The following CCDC73 variants were observed in gnomAD, a reference collection of about 807,000 sequenced individuals.
The protein encoded by CCDC73 is coiled-coil domain containing 73.
In CCDC73, 95 loss-of-function variants were observed where a neutral mutation model predicts 116.5. That is an observed-to-expected ratio of 0.82 (90% confidence interval 0.69 to 0.97). The LOEUF is 0.97. CCDC73 is among the 50% of genes least tolerant of loss of function. CCDC73 has a pLI of 0.00. For missense variants in CCDC73, 1,066 were observed against 1,206.8 expected, an observed-to-expected ratio of 0.88 and a Z score of 1.73; for synonymous variants, 398 against 401.3, an observed-to-expected ratio of 0.99 and a Z score of 0.10.
the CCDC73 span, among the ~76,000 whole-genome samples, chr11:32,829,462 A>C: frequency 0.13 from 20,442 of 152,260 alleles, 1,477 homozygotes; most frequent in South Asian, 0.22. Context: ...TGGAGAACCA[A>C]TGTAATCAAT....
chr11:32,620,795 T>C (rs1258048394), intron 14 of CCDC73, among the ~76,000 whole-genome samples: 1 of 152,010 alleles, frequency 6.6e-6, no homozygotes, highest in Admixed American at 6.6e-5. Flanking sequence ...ATTTAAACTT[T>C]GTGAGGCTGT....
chr11:32,663,170 T>G (rs201891), intron 9 of CCDC73, among the ~76,000 whole-genome samples: 259 of 152,172 alleles, frequency 1.7e-3, no homozygotes, highest in Non-Finnish European at 2.4e-3. Context: ...TGGCAATGCG[T>G]GTCTTTTTTG....
chr11:32,610,011 G>C (rs982029581), intron 17 of CCDC73, among the ~76,000 whole-genome samples: 1 of 149,264 alleles, frequency 6.7e-6, no homozygotes, highest in Admixed American at 6.7e-5. Flanking sequence ...GGATGGTCTC[G>C]ATCTCCTGAC....
intron 14 of CCDC73, among the ~76,000 whole-genome samples, chr11:32,629,549 G>T (rs1420939861): frequency 6.6e-6 from 1 of 151,848 alleles, no homozygotes; most frequent in Non-Finnish European, 1.5e-5. Context: ...ACAGGCATGC[G>T]CCACCACGCC....
At chr11:32,703,317 G>C (rs1450264559) in intron 3 of CCDC73, among the ~76,000 whole-genome samples, 1 of 151,970 alleles carries the variant, frequency 6.6e-6, no homozygotes, top group Non-Finnish European at 1.5e-5. Flanking sequence ...CAAACTCCTG[G>C]ACTCAAGCGA....
intron 9 of CCDC73, among the ~76,000 whole-genome samples, chr11:32,655,770 C>T (rs1025480057): frequency 7.9e-5 from 12 of 152,146 alleles, no homozygotes; most frequent in African/African-American, 2.9e-4. Flanking sequence ...ACAAAATTTG[C>T]ATTTTAGAAA....
chr11:32,766,352 T>G (rs1343796147), intron 1 of CCDC73, among the ~76,000 whole-genome samples: 1 of 152,186 alleles, frequency 6.6e-6, no homozygotes, highest in East Asian at 1.9e-4. Flanking sequence ...GCCAATATCA[T>G]ACTGAATGGG....
chr11:32,678,651 C>A (rs527390978), intron 7 of CCDC73, among the ~76,000 whole-genome samples: 134 of 151,972 alleles, frequency 8.8e-4, no homozygotes, highest in Admixed American at 1.6e-3. Context: ...TTTGGGAGGC[C>A]AAGGTGGACG....
chr11:32,620,845 A>G (rs1855517665), intron 14 of CCDC73, among the ~76,000 whole-genome samples: 1 of 152,096 alleles, frequency 6.6e-6, no homozygotes, highest in African/African-American at 2.4e-5. Flanking sequence ...GACAAAATCA[A>G]TGTGCAAAAA....
chr11:32,640,080 A>G (rs191288944), intron 13 of CCDC73, among the ~76,000 whole-genome samples: 2 of 152,182 alleles, frequency 1.3e-5, no homozygotes, highest in Admixed American at 1.3e-4. Context: ...ATTGCCCTTC[A>G]CTCAAGAATG....
intron 3 of CCDC73, among the ~76,000 whole-genome samples, chr11:32,717,384 G>A (rs1414830964): frequency 6.6e-6 from 1 of 152,140 alleles, no homozygotes; most frequent in Non-Finnish European, 1.5e-5. Flanking sequence ...GGAAAAATAA[G>A]GGACGAGTTA....
rs1314707797 is a variant in CCDC73, at chr11:32,614,578, T to G, written c.1740A>C (p.Leu580Phe). The change falls in exon 16 of 18, where the codon TTA becomes TTC. Residue 580 changes from leucine to phenylalanine, a missense_variant. Coordinates refer to ENST00000335185, the MANE Select transcript of CCDC73 (RefSeq NM_001008391.4). ...GATATGTATTGTGTGCTGTCTCATT[T>G]AAAATACTGTTAAATGATGTTTTGT... ...ENNKTSFNSI[L>F]NETAHNTYHN... is the part of the protein sequence containing the mutation. 6.2e-7 allele frequency: 1 copy of G among 1,611,866 alleles called. No homozygotes were observed. The highest frequency in any genetic ancestry group is 1.7e-5 in the Admixed American group (1 of 59,894).
the CCDC73 span, among the ~76,000 whole-genome samples, chr11:32,816,060 A>C: frequency 1.3e-5 from 2 of 152,212 alleles, no homozygotes; most frequent in African/African-American, 4.8e-5. Flanking sequence ...TTCTGACTTT[A>C]GTAACTTTTC....
intron 3 of CCDC73, among the ~76,000 whole-genome samples, chr11:32,713,122 G>A (rs1386181): frequency 0.75 from 114,564 of 151,902 alleles, 43,338 homozygotes; most frequent in East Asian, 0.93. Flanking sequence ...AACTCCCCCC[G>A]GATTAAATTT....
intron 14 of CCDC73, among the ~76,000 whole-genome samples, chr11:32,629,935 C>A (rs538205): frequency 0.45 from 53,852 of 120,920 alleles, 11,140 homozygotes; most frequent in African/African-American, 0.5. Context: ...AAAAAAAAAA[C>A]AAAAAAAAAA....
At position 32,663,798 on chromosome 11, in the gene CCDC73, A is replaced by G. The variant is rs1480955519; in HGVS notation, c.646-8826T>C. Among the ~76,000 whole-genome samples the G allele has an allele frequency of 5.3e-5, 8 of 152,316 alleles. No individual in the cohort carries two copies. The East Asian group carries it at 1.5e-3, about 29-fold the overall frequency. On this transcript the variant is annotated intron_variant, in intron 9 of 17. Coordinates refer to ENST00000335185, the MANE Select transcript of CCDC73 (RefSeq NM_001008391.4). ...TGCTTCGAGTTTTTGCCCATTCAGT[A>G]TGATGTTGGCTGTGGGTTTGTCATA... is the stretch of plus-strand genomic sequence containing the variant.
intron 2 of CCDC73, among the ~76,000 whole-genome samples, chr11:32,745,744 G>GTTTTTTTTTTTT (rs1491140173): frequency 2.3e-5 from 1 of 42,682 alleles, no homozygotes; most frequent in Non-Finnish European, 5.0e-5. Flanking sequence ...TGTTTGTTTT[G>GTTTTTTTTTTTT]GTTTTTTTTT....
chr11:32,796,209 T>C (rs1216035576), upstream of CCDC73, among the ~76,000 whole-genome samples: 1 of 152,230 alleles, frequency 6.6e-6, no homozygotes, highest in Admixed American at 6.5e-5. Flanking sequence ...TTATTAACTG[T>C]ATCCTAGGAC....
chr11:32,633,451 T>C (rs1388387870), intron 14 of CCDC73, among the ~76,000 whole-genome samples: 1 of 151,938 alleles, frequency 6.6e-6, no homozygotes, highest in African/African-American at 2.4e-5. Context: ...TCTTTTGGGG[T>C]CCCACAACAC....
Sources: allele counts gnomAD v4.1 joint callset (sites outside exome capture counted in the v4.1 genomes callset), GRCh38; gene constraint gnomAD v4.1.1; transcripts MANE v1.5; gene names NCBI Gene and HGNC (gene_info 2026-07-23, HGNC 2026-07-21).